Variants in SLC4A8 observed in about 807,000 individuals in gnomAD.
SLC4A8 encodes the protein solute carrier family 4 member 8.
In SLC4A8, 40 loss-of-function variants were observed where a neutral mutation model predicts 125.0. The observed-to-expected ratio is 0.32, with a 90% CI of 0.25 to 0.42. The LOEUF (loss-of-function observed/expected upper bound fraction) is 0.42. Ranked by LOEUF, SLC4A8 falls within the 10% of genes least tolerant of loss-of-function variation. The pLI is 1.00. For synonymous variants in SLC4A8, 456 were observed against 476.0 expected, an observed-to-expected ratio of 0.96 and a Z score of 0.55; for missense variants, 863 against 1,355.1, an observed-to-expected ratio of 0.64 and a Z score of 5.70.
In SLC4A8 at chr12:51,491,741, A is replaced by ACT. The variant is rs1491280407; in HGVS notation, c.2700+1791_2700+1792insTC. Among the ~76,000 whole-genome samples, 50 of 35,082 alleles carry ACT rather than the reference A, an allele frequency of 1.4e-3. No individual in the cohort carries two copies. In the Admixed American group the frequency reaches 0.014, roughly 10 times the overall value. The allele number at this position is 35,082 out of a possible 152,430, so 23.0% of individuals were successfully genotyped here. A position where few individuals can be genotyped will look rare whatever the true frequency, so the allele number is the denominator to read the frequency against. On this transcript the variant is annotated intron_variant, in intron 19 of 24. Transcript: ENST00000453097. The stretch of plus-strand genomic sequence containing the variant: ...TCCACCCCTGTCTGGGGATGGGCAG[A>ACT]CACACACACACACACACACACACAC...
chr12:51,447,937 T>C (rs1022112214), intron 2 of SLC4A8, among the ~76,000 whole-genome samples: 5 of 152,068 alleles, frequency 3.3e-5, no homozygotes, highest in African/African-American at 1.2e-4. Flanking sequence ...GCCAGGATTG[T>C]CTTGATCTCC....
chr12:51,456,019 T>A (rs1459001640), intron 5 of SLC4A8, among the ~76,000 whole-genome samples: 1 of 152,094 alleles, frequency 6.6e-6, no homozygotes, highest in Non-Finnish European at 1.5e-5. Context: ...TCAATCAGAT[T>A]TTGCATATTA....
rs776149894 is a variant in SLC4A8, at chr12:51,497,143, A to C, written c.3081+19A>C. 4.4e-6 allele frequency: 7 copies of C among 1,597,214 alleles called. No individual in the cohort carries two copies. The highest frequency in any genetic ancestry group is 6.0e-6 in the Non-Finnish European group (7 of 1,175,462). ...GGAAGAGGTCATAGTCCTTGCACCA[A>C]CTGTATACCTGGGGGCCTCAAATTA... On this transcript the variant is annotated intron_variant, in intron 22 of 24. Coordinates refer to ENST00000453097, the MANE Select transcript of SLC4A8 (RefSeq NM_001039960.3).
chr12:51,400,794 A>ATGTT (rs1948372455), intron 1 of SLC4A8, among the ~76,000 whole-genome samples: 4 of 117,744 alleles, frequency 3.4e-5, no homozygotes, highest in African/African-American at 1.0e-4. Context: ...ATACACACAC[A>ATGTT]CACACACATA....
chr12:51,502,897 A>G (rs1203429966), intron 22 of SLC4A8, among the ~76,000 whole-genome samples: 4 of 145,858 alleles, frequency 2.7e-5, no homozygotes, highest in Admixed American at 1.4e-4. Flanking sequence ...GCTGGAGTGC[A>G]GTGGCGCCAT....
intron 21 of SLC4A8, 95 bp downstream of exon 21, chr12:51,495,213 A>C: frequency 9.0e-7 from 1 of 1,105,074 alleles, no homozygotes; most frequent in South Asian, 1.6e-5. Context: ...TTAAGTGTAC[A>C]GTTGAGTGGC....
intron 2 of SLC4A8, among the ~76,000 whole-genome samples, chr12:51,449,313 C>T (rs1035854520): frequency 2.0e-5 from 3 of 151,844 alleles, no homozygotes; most frequent in African/African-American, 7.3e-5. Context: ...TGGTACACGC[C>T]TGTGGTCCCA....
chr12:51,493,897 C>G (rs1356454936), intron 20 of SLC4A8, 125 bp downstream of exon 20: 12 of 731,208 alleles, frequency 1.6e-5, no homozygotes, highest in Non-Finnish European at 2.7e-5. Flanking sequence ...AGTCTTGCCA[C>G]TTAGGCTATT....
chr12:51,404,423 A>C (rs1249106759), intron 1 of SLC4A8, among the ~76,000 whole-genome samples: 1 of 152,158 alleles, frequency 6.6e-6, no homozygotes, highest in Non-Finnish European at 1.5e-5. Flanking sequence ...AGCGCCAGCC[A>C]GGTGAATCTT....
chr12:51,463,756 A>G, intron 11 of SLC4A8, 42 bp downstream of exon 11: 1 of 1,353,952 alleles, frequency 7.4e-7, no homozygotes, highest in Non-Finnish European at 1.1e-6. Flanking sequence ...CTTATTGGGT[A>G]GAAGTTATGC....
intron 4 of SLC4A8, among the ~76,000 whole-genome samples, 190 bp downstream of exon 4, chr12:51,452,449 T>C (rs1949999750): frequency 6.6e-6 from 1 of 152,200 alleles, no homozygotes; most frequent in Admixed American, 6.5e-5. Context: ...GTGTTACCTA[T>C]GCCAGTTGAC....
chr12:51,506,400 G>GTT (rs573229082), intron 24 of SLC4A8, among the ~76,000 whole-genome samples: 2 of 148,260 alleles, frequency 1.3e-5, no homozygotes, highest in African/African-American at 4.9e-5. Flanking sequence ...ATTGTAACTG[G>GTT]TTTTTTTTTT....
intron 1 of SLC4A8, among the ~76,000 whole-genome samples, chr12:51,411,439 A>C (rs1046774183): frequency 6.6e-6 from 1 of 152,054 alleles, no homozygotes; most frequent in African/African-American, 2.4e-5. Flanking sequence ...AATACAAAAA[A>C]TTAGCAGGGT....
At chr12:51,463,410 GGTGTGTGTGTGTGTGTGTGTGT>G (rs71731491) in intron 10 of SLC4A8, among the ~76,000 whole-genome samples, 182 bp from the exon 11 acceptor site, 1 of 144,028 alleles carries the variant, frequency 6.9e-6, no homozygotes, top group East Asian at 2.0e-4. Flanking sequence ...GAAATTATGG[GGTGTGTGTGTGTGTGTGTGTGT>G]GTGTGTGTGT....
At chr12:51,414,755 A>G (rs1215557215) in intron 1 of SLC4A8, among the ~76,000 whole-genome samples, 1 of 152,238 alleles carries the variant, frequency 6.6e-6, no homozygotes, top group Non-Finnish European at 1.5e-5. Context: ...TCTTAGAGAA[A>G]AGGCTTTCAG....
chr12:51,502,341 T>C (rs1004851896), intron 22 of SLC4A8: 1 of 151,934 alleles, frequency 6.6e-6, no homozygotes, highest in East Asian at 1.9e-4. Context: ...GTTCGAGCGA[T>C]TCTCCTACCT....
chr12:51,399,765 C>T lies in SLC4A8; in HGVS notation c.-112+8277C>T, dbSNP rs144377864. Reference sequence around the variant, plus strand: ...TTGGAAGGCTGAGGCAGGCAGATCACGAGGTCAGGAGATTGAGATCATCTT... The same window carrying T: ...TTGGAAGGCTGAGGCAGGCAGATCATGAGGTCAGGAGATTGAGATCATCTT... On this transcript the variant is annotated intron_variant, in intron 1 of 24. Transcript: ENST00000358657. 2.6e-3 allele frequency among the ~76,000 whole-genome samples: 393 copies of T among 152,212 alleles called. 2 individuals are homozygous for T. Among genetic ancestry groups the T allele is most frequent in the African/African-American group, 8.4e-3 (347 of 41,544 alleles).
intron 22 of SLC4A8, among the ~76,000 whole-genome samples, chr12:51,500,345 C>A (rs1314676909): frequency 6.6e-6 from 1 of 152,134 alleles, no homozygotes; most frequent in Non-Finnish European, 1.5e-5. Flanking sequence ...TTTTTCTCCA[C>A]CTCATAGCCA....
chr12:51,480,608 T>C (rs1951001543), intron 16 of SLC4A8: 8 of 985,396 alleles, frequency 8.1e-6, no homozygotes, highest in Non-Finnish European at 9.6e-6. Flanking sequence ...TTGGAAAACA[T>C]AATGTGTCAA....
Sources: allele counts gnomAD v4.1 joint callset (sites outside exome capture counted in the v4.1 genomes callset), GRCh38; gene constraint gnomAD v4.1.1; transcripts MANE v1.5; gene names NCBI Gene and HGNC (gene_info 2026-07-23, HGNC 2026-07-21).